The following AFAP1 variants were observed in gnomAD, a reference collection of about 807,000 sequenced individuals.
The protein encoded by AFAP1 is actin filament associated protein 1, also known as actin filament-associated protein 1.
A neutral mutation model predicts 93.9 loss-of-function variants in AFAP1; 75 were observed. The observed-to-expected ratio is 0.80, with a 90% confidence interval of 0.66 to 0.97. The LOEUF is 0.97. Among genes scored for constraint, AFAP1 ranks in the 50% least tolerant of loss-of-function variants. The pLI, the probability that AFAP1 is intolerant of heterozygous loss-of-function variation, is 0.00. For synonymous variants in AFAP1, 517 were observed against 430.7 expected (o/e 1.20, Z -2.48); for missense variants, 1,201 against 1,050.8 (o/e 1.14, Z -1.98).
chr4:7,770,659 A>C (rs1715303378), intron 16 of AFAP1, among the ~76,000 whole-genome samples: 1 of 152,142 alleles, frequency 6.6e-6, no homozygotes, highest in Admixed American at 6.5e-5. Flanking sequence ...CTGAAGACAC[A>C]GGAGAAGGAT....
At chr4:7,819,499 G>C (rs1295376953) in intron 6 of AFAP1, among the ~76,000 whole-genome samples, 2 of 152,174 alleles carry the variant, frequency 1.3e-5, no homozygotes, top group Non-Finnish European at 2.9e-5. Flanking sequence ...CGAGACCGCA[G>C]TAAGTGCCAC....
chr4:7,785,056 G>A (rs1006799091), intron 12 of AFAP1, among the ~76,000 whole-genome samples: 1 of 152,150 alleles, frequency 6.6e-6, no homozygotes, highest in Non-Finnish European at 1.5e-5. Flanking sequence ...AACCCTCCCA[G>A]TACTGGGAGA....
At chr4:7,834,092 TACACACACACACACACACACACACAC>T (rs142790415) in intron 6 of AFAP1, among the ~76,000 whole-genome samples, 23 of 126,588 alleles carry the variant, frequency 1.8e-4, no homozygotes, top group Non-Finnish European at 3.3e-5. Context: ...AACTGTGGCA[TACACACACACACACACACACACACAC>T]ACACACACAC....
At chr4:7,890,088 C>T (rs1268537102) in intron 1 of AFAP1, among the ~76,000 whole-genome samples, 7 of 147,392 alleles carry the variant, frequency 4.7e-5, no homozygotes, top group Non-Finnish European at 9.0e-5. Context: ...ATTGGCCAAA[C>T]GAGGTGGAGA....
chr4:7,870,254 C>T (rs778201271), intron 2 of AFAP1, among the ~76,000 whole-genome samples: 2 of 152,146 alleles, frequency 1.3e-5, no homozygotes, highest in Non-Finnish European at 2.9e-5. Context: ...TACTCATAAC[C>T]ACCTATGATA....
At chr4:7,839,062 C>T (rs906567494) in intron 5 of AFAP1, among the ~76,000 whole-genome samples, 3 of 152,170 alleles carry the variant, frequency 2.0e-5, no homozygotes, top group Non-Finnish European at 4.4e-5. Flanking sequence ...AGGCTGGGCA[C>T]GATGGCTCAC....
chr4:7,895,851 A>AGT (rs1718730309), intron 1 of AFAP1, among the ~76,000 whole-genome samples: 1 of 113,918 alleles, frequency 8.8e-6, no homozygotes, highest in Non-Finnish European at 2.0e-5. Flanking sequence ...TTCTTCAGAA[A>AGT]GTTTTTTTTT....
At chr4:7,811,996 C>T (rs1720088932) in intron 8 of AFAP1, among the ~76,000 whole-genome samples, 2 of 144,184 alleles carry the variant, frequency 1.4e-5, no homozygotes, top group Admixed American at 7.0e-5. Flanking sequence ...TAAAATAAAG[C>T]GCCGAGACTG....
At chr4:7,791,763 G>C (rs748150628) in intron 11 of AFAP1, among the ~76,000 whole-genome samples, 1 of 151,230 alleles carries the variant, frequency 6.6e-6, no homozygotes, top group Non-Finnish European at 1.5e-5. Flanking sequence ...TGAGATGGGA[G>C]GATCCCTTGA....
At chr4:7,820,256 G>T (rs1313177889) in intron 6 of AFAP1, among the ~76,000 whole-genome samples, 2 of 152,202 alleles carry the variant, frequency 1.3e-5, no homozygotes, top group Non-Finnish European at 2.9e-5. Context: ...CAACTGGGTG[G>T]TGCTATTTAC....
At chr4:7,813,451 A>G (rs1033738027) in intron 8 of AFAP1, among the ~76,000 whole-genome samples, 1 of 152,230 alleles carries the variant, frequency 6.6e-6, no homozygotes, top group Non-Finnish European at 1.5e-5. Context: ...GAGAATTTTA[A>G]ATACAGATAT....
intron 1 of AFAP1, among the ~76,000 whole-genome samples, chr4:7,883,741 T>G (rs1194521729): frequency 6.6e-6 from 1 of 152,202 alleles, no homozygotes; most frequent in Non-Finnish European, 1.5e-5. Flanking sequence ...TAAACTACTT[T>G]AAATAATTTA....
At chr4:7,909,130 TATG>T (rs1372368653) in intron 1 of AFAP1, among the ~76,000 whole-genome samples, 2 of 152,234 alleles carry the variant, frequency 1.3e-5, no homozygotes, top group African/African-American at 4.8e-5. Context: ...TACATTTAAA[TATG>T]ATGATGGTGG....
At chr4:7,827,319 C>A (rs1047039618) in intron 6 of AFAP1, among the ~76,000 whole-genome samples, 2 of 152,074 alleles carry the variant, frequency 1.3e-5, no homozygotes, top group Admixed American at 6.6e-5. Flanking sequence ...TGCCTGTCAT[C>A]CCAGCACTTT....
chr4:7,883,185 C>G (rs377250361), intron 1 of AFAP1, among the ~76,000 whole-genome samples: 1 of 49,966 alleles, frequency 2.0e-5, no homozygotes. Context: ...AACCCTATCT[C>G]AAAAAAAAAA....
At chr4:7,903,008 C>G (rs552541375) in intron 1 of AFAP1, among the ~76,000 whole-genome samples, 1 of 152,204 alleles carries the variant, frequency 6.6e-6, no homozygotes, top group African/African-American at 2.4e-5. Flanking sequence ...ACCTCCTTCC[C>G]GGCAAGTATC....
chr4:7,836,649 A>T (rs1712337117), intron 6 of AFAP1, among the ~76,000 whole-genome samples: 1 of 152,132 alleles, frequency 6.6e-6, no homozygotes, highest in Admixed American at 6.5e-5. Flanking sequence ...GGGTTTCTGC[A>T]TGTTGTCTAG....
At chr4:7,834,301 A>C (rs560494774) in intron 6 of AFAP1, among the ~76,000 whole-genome samples, 104 of 152,220 alleles carry the variant, frequency 6.8e-4, no homozygotes, top group Non-Finnish European at 1.3e-3. Flanking sequence ...ATGCAAAGGC[A>C]TAAGAATGAC....
intron 1 of AFAP1, among the ~76,000 whole-genome samples, chr4:7,924,310 A>C (rs1254582412): frequency 6.6e-6 from 1 of 152,240 alleles, no homozygotes; most frequent in Non-Finnish European, 1.5e-5. Flanking sequence ...TTACACAAAT[A>C]AACTACACTG....
Sources: gnomAD v4.1 joint callset for allele counts (sites outside exome capture counted in the v4.1 genomes callset) on GRCh38, gnomAD v4.1.1 for gene constraint, MANE v1.5 for transcripts, NCBI Gene and HGNC (gene_info 2026-07-23, HGNC 2026-07-21) for gene names.